Variants in USP37 observed in about 807,000 individuals in gnomAD.
The protein encoded by USP37 is ubiquitin specific peptidase 37, also known as ubiquitin carboxyl-terminal hydrolase 37.
USP37 carries 27 observed loss-of-function variants against 124.0 expected under a neutral mutation model. The ratio of observed to expected loss-of-function variants is 0.22; its 90% CI spans 0.16 to 0.30. The LOEUF (loss-of-function observed/expected upper bound fraction) is 0.30, where lower values mean the gene tolerates loss of function less well. USP37 is among the 10% of genes least tolerant of loss of function. The probability of loss-of-function intolerance (pLI) is 1.00; values close to 1 mark genes in which losing one functional copy is unlikely to be tolerated. For synonymous variants in USP37, 365 were observed against 388.0 expected (o/e 0.94, Z 0.70); for missense variants, 889 against 1,140.4 (o/e 0.78, Z 3.17).
At chr2:218,566,222 G>A (rs576381526) in intron 1 of USP37, among the ~76,000 whole-genome samples, 38 of 152,286 alleles carry the variant, frequency 2.5e-4, no homozygotes, top group South Asian at 1.0e-3. Context: ...ATAGATGGTG[G>A]TGCTGGAACA....
At chr2:218,478,378 C>T (rs894053224) in intron 18 of USP37, among the ~76,000 whole-genome samples, 1 of 152,074 alleles carries the variant, frequency 6.6e-6, no homozygotes, top group African/African-American at 2.4e-5. Context: ...ATTTGTTTAC[C>T]CAGATAAATA....
intron 10 of USP37, among the ~76,000 whole-genome samples, chr2:218,523,934 T>A (rs998630121): frequency 6.6e-6 from 1 of 152,240 alleles, no homozygotes; most frequent in Non-Finnish European, 1.5e-5. Flanking sequence ...CAAAGTTTCA[T>A]AATTGTAATG....
At chr2:218,524,529 T>C (rs1318282632) in intron 10 of USP37, among the ~76,000 whole-genome samples, 3 of 152,268 alleles carry the variant, frequency 2.0e-5, no homozygotes, top group Non-Finnish European at 2.9e-5. Context: ...TATTAAGTAT[T>C]GGCTTTTAAT....
chr2:218,469,814 C>CTT lies in USP37; in HGVS notation c.2300-3640_2300-3639dup, dbSNP rs71064451. Reference sequence around the variant, plus strand: ...GGATTCATGTGTTTAACTCAACATTCTTTTTTTTTTTTTTTTTTTTTTTTG... The same window carrying CTT: ...GGATTCATGTGTTTAACTCAACATTCTTTTTTTTTTTTTTTTTTTTTTTTTTG... On this transcript the variant is annotated intron_variant, in intron 20 of 25. Transcript: ENST00000258399. 3.6e-3 allele frequency among the ~76,000 whole-genome samples: 234 copies of CTT among 64,550 alleles called. 2 individuals carry two copies. Among genetic ancestry groups the CTT allele is most frequent in the East Asian group, 9.3e-3 (19 of 2,046 alleles). The allele number at this position is 64,550 out of a possible 152,430, so 42.3% of individuals were successfully genotyped here. A position where few individuals can be genotyped will look rare whatever the true frequency, so the allele number is the denominator to read the frequency against.
rs1478394552 is a variant in USP37 at position 218,451,837 on chromosome 2, G to A, written c.*3093C>T. 1.3e-5 allele frequency: 2 copies of A among 152,692 alleles called. No individual in the cohort carries two copies. Among genetic ancestry groups the A allele is most frequent in the African/African-American group, 2.4e-5 (1 of 41,568 alleles). The allele number at this position is 152,692 out of a possible 1,614,324, so 9.5% of individuals were successfully genotyped here. A position where few individuals can be genotyped will look rare whatever the true frequency, so the allele number is the denominator to read the frequency against. ...TTGTATTTGTTATTGAGCCTTTAAG[G>A]TTAGGCCCAGAATGAACAGACCATA... On this transcript the variant is annotated 3_prime_UTR_variant, in exon 26 of 26. Transcript: ENST00000258399.
chr2:218,545,458 T>C (rs1248344982), intron 8 of USP37, among the ~76,000 whole-genome samples: 1 of 152,176 alleles, frequency 6.6e-6, no homozygotes, highest in Non-Finnish European at 1.5e-5. Context: ...TCTGAGTCCT[T>C]GGTGATTATA....
intron 8 of USP37, among the ~76,000 whole-genome samples, chr2:218,539,629 C>A (rs551955016): frequency 2.6e-5 from 4 of 151,874 alleles, no homozygotes; most frequent in African/African-American, 9.7e-5. Flanking sequence ...GTGGAAGGAT[C>A]GCCTGAGCCC....
chr2:218,511,358 G>C (rs1254860963), intron 10 of USP37, among the ~76,000 whole-genome samples: 1 of 152,018 alleles, frequency 6.6e-6, no homozygotes, highest in Non-Finnish European at 1.5e-5. Flanking sequence ...GCCCAAGCTG[G>C]TGTGCAATGG....
At chr2:218,467,343 CTATCTATCTATCTATT>C (rs1451601060) in intron 20 of USP37, among the ~76,000 whole-genome samples, 1 of 151,112 alleles carries the variant, frequency 6.6e-6, no homozygotes, top group African/African-American at 2.4e-5. Context: ...ATCTATCTAT[CTATCTATCTATCTATT>C]TTTTTTTGAG....
intron 20 of USP37, among the ~76,000 whole-genome samples, chr2:218,467,353 A>G (rs1345099949): frequency 7.8e-6 from 1 of 128,150 alleles, no homozygotes; most frequent in Admixed American, 8.0e-5. Context: ...CTATCTATCT[A>G]TCTATTTTTT....
chr2:218,459,637 C>G (rs74997497), intron 23 of USP37, among the ~76,000 whole-genome samples, 153 bp downstream of exon 23: 7,459 of 151,950 alleles, frequency 0.049, 527 homozygotes, highest in African/African-American at 0.16. Context: ...GAAAAATGAA[C>G]AGCAAATGAC....
intron 11 of USP37, among the ~76,000 whole-genome samples, chr2:218,504,279 TTATTA>T (rs1305037187): frequency 6.6e-6 from 1 of 152,198 alleles, no homozygotes; most frequent in Admixed American, 6.5e-5. Flanking sequence ...CTCCCTCCCT[TTATTA>T]TAATACTTTT....
chr2:218,557,363 A>T (rs1693047733), intron 4 of USP37, among the ~76,000 whole-genome samples: 1 of 152,106 alleles, frequency 6.6e-6, no homozygotes, highest in Non-Finnish European at 1.5e-5. Flanking sequence ...AAAAAAAATG[A>T]GCCTGTATTT....
chr2:218,482,948 T>C (rs1691342255), intron 16 of USP37, among the ~76,000 whole-genome samples: 1 of 152,086 alleles, frequency 6.6e-6, no homozygotes, highest in Non-Finnish European at 1.5e-5. Flanking sequence ...ACTTTAAAAA[T>C]TGAATTTCAA....
intron 20 of USP37, among the ~76,000 whole-genome samples, chr2:218,466,659 G>T (rs189810268): frequency 2.6e-4 from 40 of 152,270 alleles, no homozygotes; most frequent in Admixed American, 6.5e-4. Context: ...CCAAGTACTG[G>T]AAATAAAATA....
At chr2:218,479,275 C>T (rs928350068) in intron 18 of USP37, among the ~76,000 whole-genome samples, 2 of 152,106 alleles carry the variant, frequency 1.3e-5, no homozygotes, top group African/African-American at 4.8e-5. Context: ...TTTTGGGATT[C>T]CATGCCTATC....
At chr2:218,528,636 G>GTA (rs1691116393) in intron 10 of USP37, 3 of 405,544 alleles carry the variant, frequency 7.4e-6, no homozygotes, top group South Asian at 1.1e-4. Context: ...GTATTCCATG[G>GTA]TATATATATG....
intron 15 of USP37, among the ~76,000 whole-genome samples, chr2:218,487,921 C>T (rs542222240): frequency 1.5e-4 from 23 of 151,700 alleles, no homozygotes; most frequent in African/African-American, 5.6e-4. Context: ...TGGTGGCTCA[C>T]ACCTGTAATC....
chr2:218,549,948 A>C, intron 5 of USP37, 39 bp from the exon 6 acceptor site: 3 of 1,446,032 alleles, frequency 2.1e-6, no homozygotes, highest in African/African-American at 1.4e-5. Flanking sequence ...AAATCCCCAA[A>C]TCACTCACTT....
Sources: gnomAD v4.1 joint callset for allele counts (sites outside exome capture counted in the v4.1 genomes callset) on GRCh38, gnomAD v4.1.1 for gene constraint, MANE v1.5 for transcripts, NCBI Gene and HGNC (gene_info 2026-07-23, HGNC 2026-07-21) for gene names.